NCOA2: variants seen among roughly 807,000 people sequenced by gnomAD.
The protein encoded by NCOA2 is class E basic helix-loop-helix protein 75.
NCOA2 carries 21 observed loss-of-function variants against 145.1 expected under a neutral mutation model. That is an observed-to-expected ratio of 0.14 (90% CI 0.10 to 0.21). The LOEUF (loss-of-function observed/expected upper bound fraction) is 0.21, where lower values mean the gene tolerates loss of function less well. Among genes scored for constraint, NCOA2 ranks in the 10% least tolerant of loss-of-function variants. The probability of loss-of-function intolerance (pLI) is 1.00; values close to 1 mark genes in which losing one functional copy is unlikely to be tolerated. For synonymous variants in NCOA2, 619 were observed against 637.5 expected (o/e 0.97, Z 0.44); for missense variants, 1,472 against 1,837.6 (o/e 0.80, Z 3.64).
chr8:70,221,167 T>G (rs1586154813), intron 2 of NCOA2, among the ~76,000 whole-genome samples: 5 of 152,334 alleles, frequency 3.3e-5, no homozygotes, highest in Admixed American at 3.3e-4. Context: ...TTGTGTAATA[T>G]GTAGTCTAAC....
At position 70,300,238 on chromosome 8, in the gene NCOA2, T is replaced by C. The variant is rs1472312528; in HGVS notation, c.-76-3438A>G. 2.0e-5 allele frequency among the ~76,000 whole-genome samples: 3 copies of C among 152,168 alleles called. No homozygotes were observed. In the East Asian group the frequency reaches 5.8e-4, roughly 29 times the overall value. On this transcript the variant is annotated intron_variant, in intron 1 of 22. Transcript: ENST00000452400. Reference sequence around the variant, plus strand: ...GAAGATGAATAACAGACACAAGATATATGACTGCAAAAATGTACTGAAACT... The same window carrying C: ...GAAGATGAATAACAGACACAAGATACATGACTGCAAAAATGTACTGAAACT...
At chr8:70,167,458 T>A (rs1189589281) in intron 6 of NCOA2, among the ~76,000 whole-genome samples, 1 of 152,226 alleles carries the variant, frequency 6.6e-6, no homozygotes, top group Non-Finnish European at 1.5e-5. Flanking sequence ...GTACTCATGC[T>A]CTAAGGCTGA....
At chr8:70,114,428 G>A (rs1806859587) in intron 22 of NCOA2, among the ~76,000 whole-genome samples, 1 of 152,200 alleles carries the variant, frequency 6.6e-6, no homozygotes, top group Non-Finnish European at 1.5e-5. Flanking sequence ...TGTTTCTTTG[G>A]TTGGTGCAAA....
intron 5 of NCOA2, among the ~76,000 whole-genome samples, chr8:70,172,663 T>C (rs1335285338): frequency 6.6e-6 from 1 of 152,216 alleles, no homozygotes; most frequent in Non-Finnish European, 1.5e-5. Context: ...GGTTAGGTGA[T>C]AAGTTACATG....
chr8:70,209,560 C>T (rs1164371701), intron 4 of NCOA2, among the ~76,000 whole-genome samples: 2 of 152,080 alleles, frequency 1.3e-5, no homozygotes, highest in Non-Finnish European at 2.9e-5. Flanking sequence ...TTTAAGAAAT[C>T]GTTATAGCCA....
intron 2 of NCOA2, among the ~76,000 whole-genome samples, chr8:70,262,656 A>G (rs962393882): frequency 5.7e-4 from 87 of 152,356 alleles, no homozygotes; most frequent in African/African-American, 1.9e-3. Context: ...CAATGGGGCC[A>G]GTGGACACAA....
intron 4 of NCOA2, among the ~76,000 whole-genome samples, chr8:70,193,099 AG>A (rs1563597676): frequency 6.6e-6 from 1 of 151,044 alleles, no homozygotes; most frequent in Non-Finnish European, 1.5e-5. Flanking sequence ...GGAGACCCAT[AG>A]GACAATATCA....
At chr8:70,267,813 C>T (rs1297954422) in intron 2 of NCOA2, among the ~76,000 whole-genome samples, 3 of 151,986 alleles carry the variant, frequency 2.0e-5, no homozygotes, top group Non-Finnish European at 2.9e-5. Context: ...AAGGCACAAA[C>T]GTTAGGTATT....
At chr8:70,430,447 C>G in the NCOA2 span, among the ~76,000 whole-genome samples, 1 of 152,154 alleles carries the variant, frequency 6.6e-6, no homozygotes, top group African/African-American at 2.4e-5. Context: ...CAGTTAATTA[C>G]AGTGGGTAAA....
At chr8:70,335,816 A>G (rs182527119) in intron 1 of NCOA2, among the ~76,000 whole-genome samples, 132 of 152,258 alleles carry the variant, frequency 8.7e-4, no homozygotes, top group African/African-American at 3.1e-3. Flanking sequence ...CCTGCTACAC[A>G]CCGAGGCTAT....
chr8:70,195,889 G>A (rs192295151), intron 4 of NCOA2, among the ~76,000 whole-genome samples: 1 of 152,198 alleles, frequency 6.6e-6, no homozygotes, highest in Non-Finnish European at 1.5e-5. Flanking sequence ...TCCACACCAC[G>A]CCAAACTACA....
At chr8:70,431,963 C>A in the NCOA2 span, among the ~76,000 whole-genome samples, 1 of 152,118 alleles carries the variant, frequency 6.6e-6, no homozygotes, top group Non-Finnish European at 1.5e-5. Flanking sequence ...GTATTTAGCA[C>A]CAGACTAGGA....
chr8:70,181,246 T>C (rs1453347878), intron 4 of NCOA2, among the ~76,000 whole-genome samples: 1 of 152,214 alleles, frequency 6.6e-6, no homozygotes, highest in East Asian at 1.9e-4. Flanking sequence ...CAACCACTAC[T>C]GATTACTTAG....
intron 1 of NCOA2, among the ~76,000 whole-genome samples, chr8:70,362,117 C>T (rs145713598): frequency 6.6e-6 from 1 of 151,966 alleles, no homozygotes; most frequent in African/African-American, 2.4e-5. Flanking sequence ...TTTTGGAGCA[C>T]AGATATTTAC....
the NCOA2 span, among the ~76,000 whole-genome samples, chr8:70,432,283 A>G: frequency 6.6e-6 from 1 of 152,248 alleles, no homozygotes; most frequent in Non-Finnish European, 1.5e-5. Context: ...AAATATTTCT[A>G]TGATGTATCT....
intron 1 of NCOA2, among the ~76,000 whole-genome samples, chr8:70,302,510 T>G (rs1422762549): frequency 3.3e-5 from 5 of 152,152 alleles, no homozygotes; most frequent in Non-Finnish European, 7.4e-5. Context: ...CTCTGTAAGG[T>G]CAACAGAATC....
intron 2 of NCOA2, among the ~76,000 whole-genome samples, chr8:70,270,169 G>A (rs150219352): frequency 4.6e-5 from 7 of 151,158 alleles, no homozygotes; most frequent in Middle Eastern, 3.4e-3. Flanking sequence ...GTGACACAGT[G>A]AGACCTTGTC....
chr8:70,242,881 C>T (rs942284069), intron 2 of NCOA2, among the ~76,000 whole-genome samples: 1 of 152,010 alleles, frequency 6.6e-6, no homozygotes, highest in African/African-American at 2.4e-5. Context: ...AAACAAACCC[C>T]CTCAGCCTGA....
At chr8:70,393,878 TG>T (rs1813423628) in intron 1 of NCOA2, among the ~76,000 whole-genome samples, 1 of 152,390 alleles carries the variant, frequency 6.6e-6, no homozygotes, top group Non-Finnish European at 1.5e-5. Context: ...TGTTTTCCAA[TG>T]CCCTTCAACG....
Sources: allele counts gnomAD v4.1 joint callset (sites outside exome capture counted in the v4.1 genomes callset), GRCh38; gene constraint gnomAD v4.1.1; transcripts MANE v1.5; gene names NCBI Gene and HGNC (gene_info 2026-07-23, HGNC 2026-07-21).